Variants in PLS3 observed in about 807,000 individuals in gnomAD.
The protein encoded by PLS3 is plastin 3, also known as plastin-3.
Under a neutral mutation model 46.5 loss-of-function variants are expected in PLS3, and 11 were observed. The observed-to-expected ratio is 0.24, with a 90% CI of 0.15 to 0.39. The LOEUF is 0.39. Among genes scored for constraint, PLS3 ranks in the 10% least tolerant of loss-of-function variants. PLS3 has a pLI of 1.00. For synonymous variants in PLS3, 167 were observed against 162.2 expected (o/e 1.03, Z -0.22); for missense variants, 308 against 461.8 (o/e 0.67, Z 3.05).
At chrX:115,585,539 C>T (rs782027799) in intron 1 of PLS3, among the ~76,000 whole-genome samples, 4 of 109,417 alleles carry the variant, frequency 3.7e-5, no homozygotes, top group South Asian at 8.0e-4. Context: ...TACAGGCACC[C>T]GCCACCACGC....
intron 6 of PLS3, 142 bp from the exon 7 acceptor site, chrX:115,634,739 T>A (rs781799960): frequency 1.9e-6 from 1 of 540,214 alleles, no homozygotes; most frequent in Non-Finnish European, 2.9e-6. Context: ...CTCTGGAATT[T>A]GTTTTTTGTG....
rs1053706115 is a variant in PLS3, at chrX:115,568,796, G to T, written c.-9+7536G>T. Among the ~76,000 whole-genome samples the T allele has an allele frequency of 8.9e-5, 10 of 112,288 alleles. 1 individual carries two copies. The East Asian group carries it at 1.4e-3, about 16-fold the overall frequency. On this transcript the variant is annotated intron_variant, in intron 1 of 15. Coordinates refer to ENST00000355899, the MANE Select transcript of PLS3 (RefSeq NM_005032.7). ...GGCCTGTAATCCCAATACTTTGGAA[G>T]GCCAAGGCAGGCAGATCACTTGAGG...
chrX:115,593,293 G>A (rs1254813109), intron 1 of PLS3, among the ~76,000 whole-genome samples: 2 of 107,779 alleles, frequency 1.9e-5, no homozygotes, highest in African/African-American at 6.8e-5. Context: ...TATTTGACCT[G>A]AACTAACTTT....
rs181725014 is a variant in PLS3 at position 115,641,898 on chromosome X, C to A, written c.987+1395C>A. On this transcript the variant is annotated intron_variant, in intron 9 of 15. Transcript: ENST00000355899. Reference sequence around the variant, plus strand: ...CACCCTACAAATCTTGCTCTAAAATCTAGCCAGTGTTATTTCCCCAAAAGT... The same window carrying A: ...CACCCTACAAATCTTGCTCTAAAATATAGCCAGTGTTATTTCCCCAAAAGT... 1.5e-4 allele frequency among the ~76,000 whole-genome samples: 16 copies of A among 110,284 alleles called. No individual in the cohort carries two copies. The East Asian group carries it at 4.3e-3, about 30-fold the overall frequency.
intron 1 of PLS3, among the ~76,000 whole-genome samples, chrX:115,569,480 T>C (rs1482689727): frequency 8.9e-6 from 1 of 111,815 alleles, no homozygotes; most frequent in Admixed American, 9.6e-5. Flanking sequence ...AAACTACAGT[T>C]AAACTCAGAG....
At chrX:115,603,460 A>G (rs1556634881) in intron 1 of PLS3, among the ~76,000 whole-genome samples, 3 of 111,864 alleles carry the variant, frequency 2.7e-5, no homozygotes, top group African/African-American at 9.7e-5. Flanking sequence ...GGACAGATCA[A>G]AGTGCTTTGC....
At position 115,634,959 on chromosome X, in the gene PLS3, G is replaced by T; in HGVS notation, c.661G>T (p.Ala221Ser). The change falls in exon 7 of 16, where the codon GCT (alanine) becomes TCT (serine). Residue 221 changes from alanine (A) to serine (S), a missense_variant. Around this residue, in one of 2 missense-constraint regions of PLS3, gnomAD observed 271 missense variants for 435.7 expected, o/e 0.62. Transcript: ENST00000355899. ...GAACATTGGTGCAGAAGATTTGAGGGCTGGGAAACCTCATCTGGTTTTGGG... is the reference window on the plus strand; with the variant it reads ...GAACATTGGTGCAGAAGATTTGAGGTCTGGGAAACCTCATCTGGTTTTGGG... ...VVNIGAEDLR[A>S]GKPHLVLGLL... The T allele has an allele frequency of 8.3e-7, 1 of 1,209,775 alleles. No homozygotes were observed. The highest frequency in any genetic ancestry group is 1.8e-5 in the South Asian group (1 of 56,905).
intron 1 of PLS3, among the ~76,000 whole-genome samples, chrX:115,566,179 A>C (rs10521693): frequency 0.024 from 2,745 of 112,168 alleles, 30 homozygotes; most frequent in South Asian, 0.05. Flanking sequence ...TAAAGCTTTA[A>C]CAAGAGTTTA....
chrX:115,635,705 T>C (rs1156971336), intron 7 of PLS3, among the ~76,000 whole-genome samples: 1 of 106,549 alleles, frequency 9.4e-6, no homozygotes, highest in East Asian at 3.0e-4. Flanking sequence ...AATGTAAGAT[T>C]GCAACCGGGT....
intron 1 of PLS3, among the ~76,000 whole-genome samples, chrX:115,598,170 C>T (rs933001352): frequency 3.7e-5 from 4 of 109,026 alleles, no homozygotes; most frequent in South Asian, 8.2e-4. Context: ...GGTGATATTG[C>T]GTGCCTGTAA....
At chrX:115,620,631 GC>G (rs1556637365) in intron 2 of PLS3, among the ~76,000 whole-genome samples, 1 of 108,624 alleles carries the variant, frequency 9.2e-6, no homozygotes, top group East Asian at 2.9e-4. Flanking sequence ...TCCAGTTATG[GC>G]AATCAAAAAT....
At chrX:115,567,453 C>T (rs2074183104) in intron 1 of PLS3, among the ~76,000 whole-genome samples, 1 of 109,690 alleles carries the variant, frequency 9.1e-6, no homozygotes, top group African/African-American at 3.3e-5. Flanking sequence ...TAGCCAAGCA[C>T]GGTGGCACGG....
intron 5 of PLS3, among the ~76,000 whole-genome samples, chrX:115,633,773 A>G (rs1458597787): frequency 2.7e-5 from 3 of 111,799 alleles, no homozygotes; most frequent in Non-Finnish European, 5.6e-5. Flanking sequence ...GATTATAGAC[A>G]TCAGCCACCA....
At chrX:115,564,099 A>G (rs1474766239) in intron 1 of PLS3, among the ~76,000 whole-genome samples, 3 of 111,128 alleles carry the variant, frequency 2.7e-5, no homozygotes, top group Non-Finnish European at 5.7e-5. Flanking sequence ...TTTTGGTGGT[A>G]TGATCTAATG....
At chrX:115,570,981 C>T (rs985821895) in intron 1 of PLS3, among the ~76,000 whole-genome samples, 5 of 104,983 alleles carry the variant, frequency 4.8e-5, no homozygotes, top group Non-Finnish European at 7.8e-5. Flanking sequence ...CTGCAACCTC[C>T]GCCTCCGGGT....
At position 115,605,148 on chromosome X, in the gene PLS3, T is replaced by C. The variant is rs138959761; in HGVS notation, c.-8-5095T>C. ...TAAATGAATATGGGTTTATTTAAAT[T>C]GGAAAGTCCTGCATTAAACTATTCT... On this transcript the variant is annotated intron_variant, in intron 1 of 15. Coordinates refer to ENST00000355899, the MANE Select transcript of PLS3 (RefSeq NM_005032.7). 4.3e-3 allele frequency among the ~76,000 whole-genome samples: 478 copies of C among 112,063 alleles called. 2 individuals are homozygous for C. The highest frequency in any genetic ancestry group is 0.015 in the African/African-American group (455 of 30,899).
intron 3 of PLS3, among the ~76,000 whole-genome samples, chrX:115,627,141 C>T (rs1330563912): frequency 5.4e-5 from 6 of 111,543 alleles, no homozygotes; most frequent in Non-Finnish European, 1.1e-4. Flanking sequence ...TGTGAGCCAC[C>T]GTGCCCAGCC....
chrX:115,595,687 C>CTTTTTTT (rs35860715), intron 1 of PLS3, among the ~76,000 whole-genome samples: 2 of 82,956 alleles, frequency 2.4e-5, no homozygotes, highest in African/African-American at 4.9e-5. Flanking sequence ...TATTTTCTTT[C>CTTTTTTT]TTTTTTTTTT....
intron 2 of PLS3, among the ~76,000 whole-genome samples, chrX:115,618,434 A>C (rs921557785): frequency 9.1e-5 from 10 of 109,889 alleles, no homozygotes; most frequent in Admixed American, 3.9e-4. Context: ...AAGAAACAAA[A>C]AGTTAGCTGG....
Sources: gnomAD v4.1 joint callset for allele counts (sites outside exome capture counted in the v4.1 genomes callset) on GRCh38, gnomAD v4.1.1 for gene constraint, gnomAD v4.1.1 regional missense constraint, MANE v1.5 for transcripts, NCBI Gene and HGNC (gene_info 2026-07-23, HGNC 2026-07-21) for gene names.